The following SBF2 variants were observed in gnomAD, a reference collection of about 807,000 sequenced individuals.
The protein encoded by SBF2 is SET binding factor 2, also known as myotubularin-related protein 13.
In SBF2, 112 loss-of-function variants were observed where a neutral mutation model predicts 225.2. That is an observed-to-expected ratio of 0.50 (90% confidence interval 0.43 to 0.58). SBF2 has a LOEUF of 0.58. Ranked by LOEUF, SBF2 falls within the 20% of genes least tolerant of loss-of-function variation. SBF2 has a pLI of 0.00. For synonymous variants in SBF2, 763 were observed against 773.3 expected (o/e 0.99, Z 0.22); for missense variants, 1,996 against 2,206.2 (o/e 0.90, Z 1.91).
At chr11:10,255,523 T>C (rs538474197) in intron 1 of SBF2, among the ~76,000 whole-genome samples, 5 of 152,338 alleles carry the variant, frequency 3.3e-5, no homozygotes, top group Non-Finnish European at 5.9e-5. Flanking sequence ...TCTGTGAAGA[T>C]ACATTATCCT....
intron 16 of SBF2, among the ~76,000 whole-genome samples, chr11:9,924,012 C>T (rs531889855): frequency 4.3e-4 from 66 of 152,294 alleles, no homozygotes; most frequent in African/African-American, 1.6e-3. Context: ...ACCACTACTT[C>T]AGGGGCTTCT....
chr11:10,024,451 G>T (rs183999704), intron 6 of SBF2, among the ~76,000 whole-genome samples: 38 of 152,276 alleles, frequency 2.5e-4, no homozygotes, highest in African/African-American at 9.1e-4. Context: ...GCACTCTGAA[G>T]TCTCAACACA....
upstream of SBF2, among the ~76,000 whole-genome samples, chr11:10,296,472 C>A (rs1964550291): frequency 6.6e-6 from 1 of 152,194 alleles, no homozygotes; most frequent in Non-Finnish European, 1.5e-5. Context: ...ACTATCACCA[C>A]AACAGCAGGA....
intron 13 of SBF2, among the ~76,000 whole-genome samples, chr11:9,980,552 A>C (rs992002895): frequency 1.3e-5 from 2 of 152,152 alleles, no homozygotes; most frequent in African/African-American, 2.4e-5. Context: ...CAGAATTTAT[A>C]ATGAACCACT....
rs16907364 is a variant in SBF2 at position 10,002,302 on chromosome 11, T to C, written c.752+255A>G. On this transcript the variant is annotated intron_variant, in intron 7 of 39. Transcript: ENST00000256190. ...TCAAATAGCATTGACTAGACATTTA[T>C]GCCAATTGTGTTAAAAGTTGCTGAC... is the stretch of plus-strand genomic sequence containing the variant. 9.5e-3 allele frequency among the ~76,000 whole-genome samples: 1,444 copies of C among 152,320 alleles called. 94 individuals carry two copies. Among genetic ancestry groups the C allele is most frequent in the Admixed American group, 0.082 (1,258 of 15,300 alleles).
intron 1 of SBF2, among the ~76,000 whole-genome samples, chr11:10,259,046 T>C (rs535068707): frequency 5.9e-5 from 9 of 152,362 alleles, no homozygotes; most frequent in South Asian, 2.1e-4. Context: ...CTTGGACTTC[T>C]ATGAGATCTT....
intron 16 of SBF2, among the ~76,000 whole-genome samples, chr11:9,900,694 T>C (rs1399242758): frequency 2.0e-5 from 3 of 152,200 alleles, no homozygotes; most frequent in Non-Finnish European, 4.4e-5. Context: ...GCTATTTCTT[T>C]TGCGGCACTG....
chr11:9,907,909 T>C (rs1862235625), intron 16 of SBF2, among the ~76,000 whole-genome samples: 1 of 152,246 alleles, frequency 6.6e-6, no homozygotes, highest in Admixed American at 6.5e-5. Context: ...AAACTGAGCC[T>C]CTCAGAGGTT....
At chr11:10,140,814 T>C (rs562876876) in intron 2 of SBF2, among the ~76,000 whole-genome samples, 11 of 152,108 alleles carry the variant, frequency 7.2e-5, no homozygotes, top group South Asian at 2.1e-4. Context: ...CAGAATTGCA[T>C]TGAACTGTAA....
At chr11:10,151,403 C>A (rs577931473) in intron 2 of SBF2, among the ~76,000 whole-genome samples, 1 of 152,242 alleles carries the variant, frequency 6.6e-6, no homozygotes, top group South Asian at 2.1e-4. Context: ...AACAGCACAC[C>A]CAAAATATCT....
upstream of SBF2, among the ~76,000 whole-genome samples, chr11:10,298,348 G>A (rs926309856): frequency 2.0e-5 from 3 of 152,176 alleles, no homozygotes; most frequent in Non-Finnish European, 4.4e-5. Context: ...CCAAGATCGC[G>A]CCATTGCACT....
chr11:10,210,289 C>G (rs900164528), intron 1 of SBF2, among the ~76,000 whole-genome samples: 2 of 151,284 alleles, frequency 1.3e-5, no homozygotes, highest in African/African-American at 2.4e-5. Context: ...GCCTGGGAAA[C>G]AGAGCAAGAC....
chr11:9,816,743 G>GT, intron 29 of SBF2, 97 bp downstream of exon 29: 1 of 1,213,112 alleles, frequency 8.2e-7, no homozygotes, highest in Non-Finnish European at 1.2e-6. Context: ...GAATCATGCT[G>GT]TAAAAAAAAT....
chr11:10,132,514 C>T lies in SBF2; in HGVS notation c.141+61388G>A, dbSNP rs375845900. On this transcript the variant is annotated intron_variant, in intron 2 of 39. Transcript: ENST00000256190. ...TCAGGAGTGAAGCTGCAGACCTTCG[C>T]GGTGAGTGTTACAGCTCTTAAGGCA... Among the ~76,000 whole-genome samples the T allele has an allele frequency of 8.1e-5, 12 of 147,976 alleles. 1 individual carries two copies. The East Asian group carries it at 1.8e-3, about 22-fold the overall frequency.
At chr11:10,137,807 G>C (rs1162919467) in intron 2 of SBF2, among the ~76,000 whole-genome samples, 3 of 152,062 alleles carry the variant, frequency 2.0e-5, no homozygotes, top group Non-Finnish European at 4.4e-5. Context: ...CAGAGTTCAA[G>C]ACCAGTCTAG....
intron 2 of SBF2, among the ~76,000 whole-genome samples, chr11:10,077,357 C>CA (rs1393291637): frequency 5.9e-5 from 9 of 152,136 alleles, no homozygotes; most frequent in Non-Finnish European, 1.2e-4. Flanking sequence ...CAATCCTAAG[C>CA]AAAAAGAACA....
chr11:9,999,933 C>A (rs1186447009), intron 8 of SBF2, among the ~76,000 whole-genome samples: 1 of 152,200 alleles, frequency 6.6e-6, no homozygotes. Flanking sequence ...AGAAGAATTA[C>A]AAAATCTTAG....
At chr11:9,919,881 G>A (rs1242313240) in intron 16 of SBF2, among the ~76,000 whole-genome samples, 1 of 151,938 alleles carries the variant, frequency 6.6e-6, no homozygotes, top group African/African-American at 2.4e-5. Flanking sequence ...ACAGGCATGT[G>A]CCACCATGCC....
intron 28 of SBF2, among the ~76,000 whole-genome samples, chr11:9,824,419 C>T (rs546720818): frequency 2.4e-4 from 36 of 151,720 alleles, no homozygotes; most frequent in African/African-American, 7.5e-4. Context: ...TAGCTGGGCA[C>T]GGTGGCACGT....
Sources: allele counts gnomAD v4.1 joint callset (sites outside exome capture counted in the v4.1 genomes callset), GRCh38; gene constraint gnomAD v4.1.1; transcripts MANE v1.5; gene names NCBI Gene and HGNC (gene_info 2026-07-23, HGNC 2026-07-21).